ARMC6: variants seen among roughly 807,000 people sequenced by gnomAD.
ARMC6 encodes the protein armadillo repeat-containing protein 6.
Under a neutral mutation model 49.2 loss-of-function variants are expected in ARMC6, and 43 were observed. The ratio of observed to expected loss-of-function variants is 0.87; its 90% CI spans 0.69 to 1.13. The LOEUF (loss-of-function observed/expected upper bound fraction) is 1.13, where lower values mean the gene tolerates loss of function less well. ARMC6 is among the 50% of genes most tolerant of loss of function. The pLI is 0.00. For synonymous variants in ARMC6, 262 were observed against 289.6 expected, an observed-to-expected ratio of 0.90 and a Z score of 0.97; for missense variants, 627 against 682.0, an observed-to-expected ratio of 0.92 and a Z score of 0.90.
intron 4 of ARMC6, among the ~76,000 whole-genome samples, chr19:19,048,020 T>C (rs186954190): frequency 6.6e-6 from 1 of 152,202 alleles, no homozygotes; most frequent in Non-Finnish European, 1.5e-5. Flanking sequence ...GGGACCAGCC[T>C]GGCCAACATG....
At chr19:19,042,580 G>T in intron 2 of ARMC6, 131 bp from the exon 3 acceptor site, 1 of 862,560 alleles carries the variant, frequency 1.2e-6, no homozygotes, top group East Asian at 2.6e-5. Flanking sequence ...CAGGTGGGAA[G>T]AATTTCTCCA....
Position 19,034,133 on chromosome 19 carries a change from C to T in ARMC6, c.-77C>T. ...ATTCATTTTATTTATTCATTCAGCA[C>T]CTGTGCACTGAGTGCCTGCTGCGTG... On this transcript the variant is annotated splice_region_variant and 5_prime_UTR_variant, in exon 2 of 9. Coordinates refer to ENST00000535612, the MANE Select transcript of ARMC6 (RefSeq NM_001199196.2). 1.1e-6 allele frequency: 1 copy of T among 944,172 alleles called. No homozygotes were observed. Among genetic ancestry groups the T allele is most frequent in the East Asian group, 2.5e-5 (1 of 40,464 alleles). The allele number at this position is 944,172 out of a possible 1,614,324, so 58.5% of individuals were successfully genotyped here. A position where few individuals can be genotyped will look rare whatever the true frequency, so the allele number is the denominator to read the frequency against.
At chr19:19,034,377 T>A in intron 2 of ARMC6, 139 bp downstream of exon 2, 1 of 1,126,120 alleles carries the variant, frequency 8.9e-7, no homozygotes, top group Non-Finnish European at 1.3e-6. Flanking sequence ...AAGGCTTAGA[T>A]AGAGAAGGTG....
chr19:19,045,045 C>T (rs556507694), intron 4 of ARMC6, among the ~76,000 whole-genome samples: 2 of 152,238 alleles, frequency 1.3e-5, no homozygotes, highest in South Asian at 2.1e-4. Context: ...GAGTCTCACT[C>T]TGTTGCCCAG....
chr19:19,051,920 A>G lies in ARMC6; in HGVS notation c.578A>G (p.Asp193Gly). The G allele has an allele frequency of 6.2e-7, 1 of 1,614,124 alleles. No individual in the cohort carries two copies. Among genetic ancestry groups the G allele is most frequent in the Non-Finnish European group, 8.5e-7 (1 of 1,180,038 alleles). The part of the protein sequence containing the change: ...ATLTQNADEA[D>G]LTCSGIRCVR... ...CTGACCCAGAATGCTGATGAGGCTGACCTGACCTGCTCTGGGATCCGCTGT... is the reference window on the plus strand; with the variant it reads ...CTGACCCAGAATGCTGATGAGGCTGGCCTGACCTGCTCTGGGATCCGCTGT... Residue 193 changes from aspartate to glycine, a missense_variant, in exon 5 of 9, where the codon GAC becomes GGC. Asp to Gly is a moderately conservative substitution (Grantham distance 94). Coordinates refer to ENST00000535612, the MANE Select transcript of ARMC6 (RefSeq NM_001199196.2).
chr19:19,052,253 A>T, intron 5 of ARMC6, 58 bp downstream of exon 5: 1 of 1,466,290 alleles, frequency 6.8e-7, no homozygotes, highest in Non-Finnish European at 9.1e-7. Flanking sequence ...AGATGTGACC[A>T]GAGTGAGGGT....
chr19:19,036,040 G>A (rs2059364512), intron 2 of ARMC6, among the ~76,000 whole-genome samples: 1 of 151,982 alleles, frequency 6.6e-6, no homozygotes, highest in African/African-American at 2.4e-5. Context: ...TCCGACTCAT[G>A]AATCTGAGGT....
At chr19:19,054,473 G>A (rs1306626978) in intron 6 of ARMC6, 152 bp downstream of exon 6, 10 of 785,318 alleles carry the variant, frequency 1.3e-5, no homozygotes, top group African/African-American at 3.6e-5. Context: ...ACCAAAGGTC[G>A]GGGGGGAAAC....
chr19:19,041,333 C>T (rs566817591), intron 2 of ARMC6, among the ~76,000 whole-genome samples: 135 of 152,100 alleles, frequency 8.9e-4, no homozygotes, highest in Non-Finnish European at 1.4e-3. Context: ...TTTTTTTTCT[C>T]AACTTTATCG....
intron 4 of ARMC6, among the ~76,000 whole-genome samples, chr19:19,049,540 T>C (rs1341659539): frequency 6.6e-6 from 1 of 152,250 alleles, no homozygotes; most frequent in East Asian, 1.9e-4. Context: ...TAAAAACATT[T>C]ACCATTGTAA....
At chr19:19,042,577 G>T (rs2059418968) in intron 2 of ARMC6, 134 bp from the exon 3 acceptor site, 8 of 833,654 alleles carry the variant, frequency 9.6e-6, no homozygotes, top group Admixed American at 2.2e-5. Flanking sequence ...TAACAGGTGG[G>T]AAGAATTTCT....
At chr19:19,044,217 G>A (rs2059431779) in intron 4 of ARMC6, 143 bp downstream of exon 4, 1 of 791,920 alleles carries the variant, frequency 1.3e-6, no homozygotes, top group Non-Finnish European at 2.1e-6. Flanking sequence ...TTGCAGCCAG[G>A]TCTCCCTGAG....
Position 19,054,312 on chromosome 19 carries a change from C to T in ARMC6, c.1014C>T (p.Ser338=), listed in dbSNP as rs750222336. The change falls in exon 6 of 9, where the codon AGC becomes AGT. Residue 338 remains serine, a synonymous_variant. Transcript: ENST00000535612. ...DCNDHQMRDQ[S]GVQELVKQVL... is the part of the protein sequence containing the mutation. ...ATGACCACCAGATGAGGGACCAGAGCGGCGTTCAGGTATGAAGTCCCCCTG... is the reference window on the plus strand; with the variant it reads ...ATGACCACCAGATGAGGGACCAGAGTGGCGTTCAGGTATGAAGTCCCCCTG... 1.0e-5 allele frequency: 16 copies of T among 1,583,812 alleles called. No homozygotes were observed. Among genetic ancestry groups the T allele is most frequent in the South Asian group, 2.3e-5 (2 of 86,792 alleles).
chr19:19,037,634 G>A, intron 2 of ARMC6: 1 of 1,236,884 alleles, frequency 8.1e-7, no homozygotes, highest in Non-Finnish European at 1.0e-6. Context: ...CCAAAGTGCA[G>A]GCCACCATGC....
At chr19:19,053,867 T>G (rs564254913) in intron 5 of ARMC6, among the ~76,000 whole-genome samples, 1 of 151,108 alleles carries the variant, frequency 6.6e-6, no homozygotes. Flanking sequence ...TGCACTATTA[T>G]AGTTTTCTTT....
rs762592807 is a variant in ARMC6 at position 19,044,026 on chromosome 19, TA to T, written c.234del (p.Val79SerfsTer87). On this transcript the variant is annotated frameshift_variant, in exon 4 of 9. Coordinates refer to ENST00000535612, the MANE Select transcript of ARMC6 (RefSeq NM_001199196.2). LOFTEE classifies it high-confidence loss of function. Reference protein sequence around the residue: ...DLSNIVKTAPKVSADGSQEPT... With the variant: ...DLSNIVKTAPXVSADGSQEPT... The stretch of plus-strand genomic sequence containing the variant: ...TGAGCAACATTGTAAAGACGGCACC[TA>T]AAGTCTCTGCAGACGGATCCCAGGA... 5.0e-6 allele frequency: 8 copies of T among 1,614,148 alleles called. No individual in the cohort carries two copies. In the South Asian group the frequency reaches 8.8e-5, roughly 18 times the overall value.
At chr19:19,049,347 C>G (rs1650575805) in intron 4 of ARMC6, among the ~76,000 whole-genome samples, 3 of 152,072 alleles carry the variant, frequency 2.0e-5, no homozygotes, top group South Asian at 2.1e-4. Flanking sequence ...AGCCACCATG[C>G]CCGGCCAAGA....
intron 5 of ARMC6, among the ~76,000 whole-genome samples, chr19:19,053,682 C>T (rs1282213827): frequency 6.6e-6 from 1 of 152,080 alleles, no homozygotes; most frequent in Non-Finnish European, 1.5e-5. Flanking sequence ...GTGCCGGCAC[C>T]TGCTTCCTGG....
chr19:19,055,860 G>A lies in ARMC6; in HGVS notation c.1225G>A (p.Val409Met), dbSNP rs768461003. 3 of 1,612,942 alleles carry A rather than the reference G, an allele frequency of 1.9e-6. No homozygotes were observed. Among genetic ancestry groups the A allele is most frequent in the African/African-American group, 1.3e-5 (1 of 75,034 alleles). Residue 409 changes from valine to methionine, a missense_variant, in exon 8 of 9, where the codon GTG (valine) becomes ATG (methionine). Transcript: ENST00000535612. This position sits in a 1 kb window ranked among gnomAD's most constrained non-coding sequence, Gnocchi z 5.7. ...LRKPDNSRII[V>M]EGGGAVAALQ... ...TAAGCCCGACAACAGCCGCATCATC[G>A]TGGAGGGTGGCGGGGCTGTGGCAGC...
Sources: gnomAD v4.1 joint callset for allele counts (sites outside exome capture counted in the v4.1 genomes callset) on GRCh38, gnomAD v4.1.1 for gene constraint, Gnocchi (gnomAD v3.1) non-coding constraint, MANE v1.5 for transcripts, NCBI Gene and HGNC (gene_info 2026-07-23, HGNC 2026-07-21) for gene names.